Variants in REC114 observed in about 807,000 individuals in gnomAD.
REC114 encodes the protein REC114 meiotic recombination protein.
A neutral mutation model predicts 31.3 loss-of-function variants in REC114; 27 were observed. That is an observed-to-expected ratio of 0.86 (90% confidence interval 0.64 to 1.19). REC114 has a LOEUF of 1.19. Ranked by LOEUF, REC114 falls within the 50% of genes most tolerant of loss-of-function variation. The pLI is 0.00. For synonymous variants in REC114, 134 were observed against 127.7 expected, an observed-to-expected ratio of 1.05 and a Z score of -0.33; for missense variants, 344 against 326.9, an observed-to-expected ratio of 1.05 and a Z score of -0.40.
At chr15:73,449,150 A>T (rs1342496267) in intron 1 of REC114, among the ~76,000 whole-genome samples, 1 of 152,172 alleles carries the variant, frequency 6.6e-6, no homozygotes, top group African/African-American at 2.4e-5. Context: ...AATGAGTTTG[A>T]TGAACTGACA....
intron 2 of REC114, among the ~76,000 whole-genome samples, chr15:73,529,163 A>T (rs1894043304): frequency 6.6e-6 from 1 of 150,654 alleles, no homozygotes; most frequent in African/African-American, 2.4e-5. Context: ...TTGGAGACAG[A>T]GTCTCGCTCT....
intron 2 of REC114, among the ~76,000 whole-genome samples, chr15:73,487,609 G>C (rs1170442545): frequency 6.6e-6 from 1 of 152,178 alleles, no homozygotes; most frequent in Non-Finnish European, 1.5e-5. Context: ...GGCTCCAAGG[G>C]CCTGGAAGGC....
intron 2 of REC114, among the ~76,000 whole-genome samples, chr15:73,496,399 G>A (rs913566621): frequency 7.5e-5 from 11 of 145,950 alleles, no homozygotes; most frequent in Admixed American, 2.8e-4. Flanking sequence ...TAGGCCGAGC[G>A]CGTAATCCCA....
At chr15:73,520,433 G>A (rs1893920972) in intron 2 of REC114, among the ~76,000 whole-genome samples, 1 of 152,148 alleles carries the variant, frequency 6.6e-6, no homozygotes, top group Admixed American at 6.5e-5. Flanking sequence ...GTTTCACCAT[G>A]TTGGCCAGGC....
intron 1 of REC114, among the ~76,000 whole-genome samples, chr15:73,463,112 A>G (rs750793339): frequency 6.6e-6 from 1 of 152,204 alleles, no homozygotes; most frequent in Non-Finnish European, 1.5e-5. Flanking sequence ...TCAAATTTCA[A>G]GTAGTCTTAC....
At chr15:73,494,559 C>CT (rs1295801483) in intron 2 of REC114, among the ~76,000 whole-genome samples, 1 of 149,070 alleles carries the variant, frequency 6.7e-6, no homozygotes, top group Non-Finnish European at 1.5e-5. Flanking sequence ...AATTATTTTT[C>CT]TTTTTTTCTA....
At chr15:73,496,351 C>CAAAA (rs539098846) in intron 2 of REC114, among the ~76,000 whole-genome samples, 4 of 20,506 alleles carry the variant, frequency 2.0e-4, no homozygotes, top group African/African-American at 4.5e-4. Flanking sequence ...GACTCCTTCT[C>CAAAA]AAAAAAAAAA....
chr15:73,514,857 A>T (rs1426306096), intron 2 of REC114, among the ~76,000 whole-genome samples: 1 of 152,196 alleles, frequency 6.6e-6, no homozygotes, highest in African/African-American at 2.4e-5. Context: ...TAATTGGCAT[A>T]AGTTTAAGTA....
At chr15:73,544,317 G>A (rs1454748704) in intron 3 of REC114, among the ~76,000 whole-genome samples, 1 of 152,132 alleles carries the variant, frequency 6.6e-6, no homozygotes, top group Non-Finnish European at 1.5e-5. Flanking sequence ...CTGGCAAAGA[G>A]TATCTGATGC....
intron 2 of REC114, among the ~76,000 whole-genome samples, chr15:73,511,040 C>G (rs1254102622): frequency 6.6e-6 from 1 of 151,156 alleles, no homozygotes; most frequent in African/African-American, 2.4e-5. Flanking sequence ...CCTTGTACCT[C>G]TGGTAGAATT....
At chr15:73,460,272 G>A (rs746364018) in intron 1 of REC114, among the ~76,000 whole-genome samples, 1 of 152,074 alleles carries the variant, frequency 6.6e-6, no homozygotes, top group Non-Finnish European at 1.5e-5. Flanking sequence ...CAGCTTAGTG[G>A]TTTAAGGAGT....
chr15:73,487,332 G>A (rs1893384804), intron 2 of REC114, among the ~76,000 whole-genome samples: 2 of 152,248 alleles, frequency 1.3e-5, no homozygotes, highest in South Asian at 2.1e-4. Flanking sequence ...TAAATCAGAT[G>A]TGGGTGAGAC....
intron 2 of REC114, among the ~76,000 whole-genome samples, chr15:73,475,998 T>C (rs1261254284): frequency 6.6e-6 from 1 of 152,138 alleles, no homozygotes; most frequent in Non-Finnish European, 1.5e-5. Context: ...CAGGGTTCAG[T>C]ACGGTAACAT....
intron 2 of REC114, among the ~76,000 whole-genome samples, chr15:73,504,381 A>G (rs1893646798): frequency 6.6e-6 from 1 of 151,896 alleles, no homozygotes; most frequent in Admixed American, 6.6e-5. Context: ...GGAATTCAAT[A>G]TTTTTTTCAT....
At chr15:73,537,949 A>T in intron 2 of REC114, among the ~76,000 whole-genome samples, 1 of 152,162 alleles carries the variant, frequency 6.6e-6, no homozygotes, top group East Asian at 1.9e-4. Flanking sequence ...GTAGCATATG[A>T]TGGACATTGT....
At chr15:73,507,197 A>C (rs1893690942) in intron 2 of REC114, among the ~76,000 whole-genome samples, 1 of 152,278 alleles carries the variant, frequency 6.6e-6, no homozygotes, top group African/African-American at 2.4e-5. Context: ...GACTGTCCAC[A>C]GAAGTGGAAA....
intron 2 of REC114, among the ~76,000 whole-genome samples, chr15:73,508,964 A>G (rs1177278755): frequency 6.7e-6 from 1 of 150,334 alleles, no homozygotes; most frequent in Non-Finnish European, 1.5e-5. Context: ...ATACCCAGTA[A>G]TGGGATGGCT....
chr15:73,548,481 C>T (rs766075570), intron 3 of REC114, among the ~76,000 whole-genome samples: 5 of 152,146 alleles, frequency 3.3e-5, no homozygotes, highest in African/African-American at 1.2e-4. Flanking sequence ...TATTACTGAT[C>T]ATTAGAGACA....
intron 2 of REC114, among the ~76,000 whole-genome samples, chr15:73,485,168 C>A (rs1893348250): frequency 6.6e-6 from 1 of 152,200 alleles, no homozygotes; most frequent in Admixed American, 6.5e-5. Flanking sequence ...ACTGCAACCT[C>A]TGCCTCCCAG....
Sources: allele counts gnomAD v4.1 joint callset (sites outside exome capture counted in the v4.1 genomes callset), GRCh38; gene constraint gnomAD v4.1.1; transcripts MANE v1.5; gene names NCBI Gene and HGNC (gene_info 2026-07-23, HGNC 2026-07-21).